Variants in BIN3 observed in about 807,000 individuals in gnomAD.
BIN3 encodes the protein bridging integrator 3.
A neutral mutation model predicts 38.2 loss-of-function variants in BIN3; 41 were observed. The observed-to-expected ratio is 1.07, with a 90% confidence interval of 0.84 to 1.39. The LOEUF (loss-of-function observed/expected upper bound fraction) is 1.39, where lower values mean the gene tolerates loss of function less well. Among genes scored for constraint, BIN3 ranks in the 40% most tolerant of loss-of-function variants. The probability of loss-of-function intolerance (pLI) is 0.00; values close to 1 mark genes in which losing one functional copy is unlikely to be tolerated. For synonymous variants in BIN3, 145 were observed against 122.6 expected (o/e 1.18, Z -1.21); for missense variants, 361 against 324.3 (o/e 1.11, Z -0.87).
intron 2 of BIN3, among the ~76,000 whole-genome samples, chr8:22,638,458 G>A (rs1375311195): frequency 1.3e-5 from 2 of 152,166 alleles, no homozygotes; most frequent in African/African-American, 4.8e-5. Context: ...GAACATGTAT[G>A]AGCACCTATT....
At chr8:22,649,763 C>A (rs1043303372) in intron 1 of BIN3, among the ~76,000 whole-genome samples, 1 of 149,554 alleles carries the variant, frequency 6.7e-6, no homozygotes, top group Non-Finnish European at 1.5e-5. Context: ...ACAAAAATAG[C>A]ACCTGATCAG....
At chr8:22,656,046 A>T (rs377063289) in intron 1 of BIN3, among the ~76,000 whole-genome samples, 2 of 152,164 alleles carry the variant, frequency 1.3e-5, no homozygotes, top group African/African-American at 4.8e-5. Flanking sequence ...ATTATTCAAG[A>T]TAAATTTCAC....
rs116292256 is a variant in BIN3, at chr8:22,635,834, C to T, written c.160+691G>A. Among the ~76,000 whole-genome samples the T allele has an allele frequency of 4.7e-3, 713 of 152,210 alleles. 6 individuals are homozygous for T. The highest frequency in any genetic ancestry group is 0.016 in the African/African-American group (670 of 41,530). On this transcript the variant is annotated intron_variant, in intron 4 of 8. Transcript: ENST00000276416. ...CTCAAGGAATGGTCTCCATCTCTCC[C>T]GGCTGCTCGTCGCCTCCTTCCTGGG... is the stretch of plus-strand genomic sequence containing the variant.
chr8:22,668,514 C>T (rs1444006523), intron 1 of BIN3, among the ~76,000 whole-genome samples: 1 of 152,212 alleles, frequency 6.6e-6, no homozygotes, highest in South Asian at 2.1e-4. Flanking sequence ...AGGGTGTGTG[C>T]GGAGTGTAAT....
At position 22,630,509 on chromosome 8, in the gene BIN3, T is replaced by C; in HGVS notation, c.230A>G (p.Asp77Gly). The C allele has an allele frequency of 6.2e-7, 1 of 1,613,972 alleles. No individual in the cohort carries two copies. Among genetic ancestry groups the C allele is most frequent in the Non-Finnish European group, 8.5e-7 (1 of 1,179,860 alleles). Residue 77 changes from aspartate to glycine, a missense_variant, in exon 5 of 9, where the codon GAC (aspartate) becomes GGC (glycine). Physicochemically the swap from Asp to Gly is moderately conservative, Grantham distance 94. Transcript: ENST00000276416. ...LSNPLCEQDQ[D>G]LLNMVTALDT... The stretch of plus-strand genomic sequence containing the variant: ...CAGGGCCGTCACCATGTTCAGAAGG[T>C]CCTGGTCTTGCTCACAGAGGGGATT...
chr8:22,654,664 C>T (rs528389478), intron 1 of BIN3, among the ~76,000 whole-genome samples: 3 of 152,214 alleles, frequency 2.0e-5, no homozygotes, highest in African/African-American at 7.2e-5. Flanking sequence ...AGTACTTCAT[C>T]CTTTTATTTT....
intron 4 of BIN3, among the ~76,000 whole-genome samples, chr8:22,635,845 C>T (rs1006682314): frequency 3.6e-4 from 55 of 152,260 alleles, no homozygotes; most frequent in African/African-American, 7.9e-4. Flanking sequence ...GGCTGCTCGT[C>T]GCCTCCTTCC....
chr8:22,668,880 G>A (rs1803514448), intron 1 of BIN3, among the ~76,000 whole-genome samples, 164 bp downstream of exon 1: 1 of 152,244 alleles, frequency 6.6e-6, no homozygotes, highest in Non-Finnish European at 1.5e-5. Context: ...CTGCGACTCC[G>A]GAAAGCACCG....
intron 2 of BIN3, among the ~76,000 whole-genome samples, chr8:22,644,076 G>A (rs184167253): frequency 1.4e-3 from 214 of 152,352 alleles, no homozygotes; most frequent in African/African-American, 5.0e-3. Context: ...ACTTGAGGAA[G>A]TCATTGCAAC....
intron 1 of BIN3, among the ~76,000 whole-genome samples, chr8:22,651,917 C>T (rs900024779): frequency 2.3e-4 from 35 of 149,882 alleles, no homozygotes; most frequent in African/African-American, 7.6e-4. Flanking sequence ...CTTACAATTT[C>T]GATGCTGACC....
chr8:22,641,831 G>A (rs768587484), intron 2 of BIN3, among the ~76,000 whole-genome samples: 1 of 152,152 alleles, frequency 6.6e-6, no homozygotes, highest in African/African-American at 2.4e-5. Context: ...AAGCTTCGAA[G>A]AGCTCTTCCA....
rs147272080 is a variant in BIN3, at chr8:22,632,628, C to T, written c.161-2050G>A. 5.6e-3 allele frequency among the ~76,000 whole-genome samples: 843 copies of T among 151,512 alleles called. 9 individuals are homozygous for T. The highest frequency in any genetic ancestry group is 0.02 in the African/African-American group (813 of 41,256). ...TGGAAATGTTTCTGAAAAACATCTT[C>T]TGCTATTTCTTAAAAAAATATCTGA... On this transcript the variant is annotated intron_variant, in intron 4 of 8. Coordinates refer to ENST00000276416, the MANE Select transcript of BIN3 (RefSeq NM_018688.6).
At chr8:22,659,264 C>T (rs1373768769) in intron 1 of BIN3, among the ~76,000 whole-genome samples, 1 of 152,218 alleles carries the variant, frequency 6.6e-6, no homozygotes, top group African/African-American at 2.4e-5. Flanking sequence ...GTGCCTATGA[C>T]CACAGCCTCC....
chr8:22,635,358 A>T (rs73671222), intron 4 of BIN3, among the ~76,000 whole-genome samples: 1,852 of 152,048 alleles, frequency 0.012, 28 homozygotes, highest in African/African-American at 0.041. Flanking sequence ...TAGTGCTGAG[A>T]GTGCCTGGTG....
At chr8:22,656,266 C>T (rs527490751) in intron 1 of BIN3, among the ~76,000 whole-genome samples, 19 of 117,146 alleles carry the variant, frequency 1.6e-4, no homozygotes, top group Admixed American at 6.0e-4. Flanking sequence ...ACATTTATTT[C>T]GTTAAATATT....
At chr8:22,667,879 AT>A (rs1263370972) in intron 1 of BIN3, among the ~76,000 whole-genome samples, 1 of 152,226 alleles carries the variant, frequency 6.6e-6, no homozygotes, top group Non-Finnish European at 1.5e-5. Flanking sequence ...ACTGACTGAT[AT>A]CAGCTGCTTG....
chr8:22,656,831 G>C (rs1322876126), intron 1 of BIN3, among the ~76,000 whole-genome samples: 1 of 152,158 alleles, frequency 6.6e-6, no homozygotes, highest in Non-Finnish European at 1.5e-5. Flanking sequence ...GTGTTGAACG[G>C]TGTAAACATA....
intron 2 of BIN3, among the ~76,000 whole-genome samples, chr8:22,637,456 G>A (rs535062548): frequency 2.0e-5 from 3 of 152,098 alleles, no homozygotes; most frequent in East Asian, 3.9e-4. Context: ...GGCTCAGGGT[G>A]GGTCAGGAAC....
chr8:22,625,572 GC>G (rs1408250204), intron 6 of BIN3: 9 of 609,428 alleles, frequency 1.5e-5, no homozygotes, highest in African/African-American at 1.5e-4. Context: ...TCCCAGATGT[GC>G]CTCTCAAAGG....
Sources: gnomAD v4.1 joint callset for allele counts (sites outside exome capture counted in the v4.1 genomes callset) on GRCh38, gnomAD v4.1.1 for gene constraint, MANE v1.5 for transcripts, NCBI Gene and HGNC (gene_info 2026-07-23, HGNC 2026-07-21) for gene names.